ACYP2: variants seen among roughly 807,000 people sequenced by gnomAD.
ACYP2 encodes acylphosphatase 2.
A neutral mutation model predicts 11.2 loss-of-function variants in ACYP2; 12 were observed. The observed-to-expected ratio is 1.08, with a 90% CI of 0.69 to 1.74. ACYP2 has a LOEUF of 1.74. Among genes scored for constraint, ACYP2 ranks in the 40% most tolerant of loss-of-function variants. The pLI, the probability that ACYP2 is intolerant of heterozygous loss-of-function variation, is 0.00. For missense variants in ACYP2, 134 were observed against 101.9 expected, an observed-to-expected ratio of 1.31 and a Z score of -1.35; for synonymous variants, 43 against 32.2, an observed-to-expected ratio of 1.33 and a Z score of -1.13.
Position 54,073,697 on chromosome 2 carries a change from A to G in ACYP2, c.277+16337A>G, listed in dbSNP as rs192840098. Among the ~76,000 whole-genome samples the G allele has an allele frequency of 2.5e-4, 38 of 152,306 alleles. No homozygotes were observed. The East Asian group carries it at 7.3e-3, about 29-fold the overall frequency. On this transcript the variant is annotated intron_variant, in intron 4 of 6. Coordinates refer to ENST00000607452, the MANE Select transcript of ACYP2 (RefSeq NM_001320586.2). Reference sequence around the variant, plus strand: ...CTATTACAACTCAAAAATAAAGACAATGATTAAAAAATGGGCAAAAGGTCT... The same window carrying G: ...CTATTACAACTCAAAAATAAAGACAGTGATTAAAAAATGGGCAAAAGGTCT...
At chr2:53,975,395 AG>A in intron 2 of ACYP2, 1 of 396,698 alleles carries the variant, frequency 2.5e-6, no homozygotes, top group Non-Finnish European at 4.4e-6. Context: ...CTTCCCAGTG[AG>A]AAAGTTAGAA....
intron 6 of ACYP2, among the ~76,000 whole-genome samples, chr2:54,175,754 G>T (rs1683431165): frequency 1.3e-5 from 2 of 152,094 alleles, no homozygotes; most frequent in Admixed American, 1.3e-4. Flanking sequence ...GCATGCATCT[G>T]TCCCCTTTTT....
chr2:54,144,937 T>G (rs1379165810), intron 6 of ACYP2, among the ~76,000 whole-genome samples: 1 of 152,162 alleles, frequency 6.6e-6, no homozygotes, highest in Non-Finnish European at 1.5e-5. Context: ...GTCTTCAACA[T>G]GAGTCCTAGT....
intron 4 of ACYP2, among the ~76,000 whole-genome samples, chr2:54,123,638 C>G (rs888784335): frequency 6.6e-6 from 1 of 152,112 alleles, no homozygotes; most frequent in African/African-American, 2.4e-5. Context: ...CCACTTCTTC[C>G]TCCATCCCCT....
intron 6 of ACYP2, among the ~76,000 whole-genome samples, chr2:54,303,404 CATT>C (rs111460260): frequency 0.16 from 24,500 of 152,032 alleles, 2,402 homozygotes; most frequent in Non-Finnish European, 0.21. Context: ...TTTTAGCTTT[CATT>C]ATTATTTGTG....
At chr2:54,032,240 T>C (rs1235775305) in intron 2 of ACYP2, among the ~76,000 whole-genome samples, 1 of 152,238 alleles carries the variant, frequency 6.6e-6, no homozygotes, top group Non-Finnish European at 1.5e-5. Context: ...GGTTTTCTTC[T>C]AGGGTTTTAT....
At chr2:54,127,704 C>A (rs1680621111) in intron 4 of ACYP2, among the ~76,000 whole-genome samples, 1 of 147,394 alleles carries the variant, frequency 6.8e-6, no homozygotes, top group African/African-American at 2.5e-5. Flanking sequence ...GCCGAGATCA[C>A]ACCATGCCAC....
At chr2:54,039,258 A>T (rs1295239198) in intron 2 of ACYP2, among the ~76,000 whole-genome samples, 123 of 133,324 alleles carry the variant, frequency 9.2e-4, no homozygotes, top group Middle Eastern at 3.6e-3. Flanking sequence ...TCGTGCTTTA[A>T]TTTTTTTTTT....
At chr2:54,041,754 C>T (rs187416408) in intron 2 of ACYP2, among the ~76,000 whole-genome samples, 170 of 152,174 alleles carry the variant, frequency 1.1e-3, no homozygotes, top group African/African-American at 3.9e-3. Context: ...ATCAAATGAA[C>T]GCATACATGA....
intron 6 of ACYP2, among the ~76,000 whole-genome samples, chr2:54,157,097 A>T (rs140097911): frequency 6.6e-6 from 1 of 152,232 alleles, no homozygotes; most frequent in East Asian, 1.9e-4. Flanking sequence ...CAAGATTTAC[A>T]TGGTTGTCCT....
chr2:54,119,280 C>T (rs538299633), intron 4 of ACYP2, among the ~76,000 whole-genome samples: 4 of 151,922 alleles, frequency 2.6e-5, no homozygotes, highest in African/African-American at 9.7e-5. Context: ...TGGTTTTGAA[C>T]TCCTGGCCTC....
intron 4 of ACYP2, among the ~76,000 whole-genome samples, chr2:54,059,876 G>C (rs1262938596): frequency 6.6e-6 from 1 of 152,182 alleles, no homozygotes; most frequent in African/African-American, 2.4e-5. Flanking sequence ...ACTGGGAAAG[G>C]ATTGCTTCAT....
Position 54,107,105 on chromosome 2 carries a change from C to T in ACYP2, c.278-28348C>T, listed in dbSNP as rs544195420. ...AAGACTGAAAGAGTAACCCTACCCA[C>T]GGGAACTGCCTTGCCTTGGGTAGAT... On this transcript the variant is annotated intron_variant, in intron 4 of 6. Coordinates refer to ENST00000607452, the MANE Select transcript of ACYP2 (RefSeq NM_001320586.2). 7.2e-5 allele frequency among the ~76,000 whole-genome samples: 11 copies of T among 152,238 alleles called. No individual in the cohort carries two copies. The East Asian group carries it at 1.2e-3, about 16-fold the overall frequency.
At chr2:54,256,816 G>GTTTGT (rs577024551) in intron 6 of ACYP2, among the ~76,000 whole-genome samples, 38,099 of 151,138 alleles carry the variant, frequency 0.25, 4,999 homozygotes, top group South Asian at 0.4. Flanking sequence ...TTTTTTGTTT[G>GTTTGT]TTTGTTTTGT....
chr2:54,179,513 C>A (rs546323296), intron 6 of ACYP2, among the ~76,000 whole-genome samples: 1 of 152,244 alleles, frequency 6.6e-6, no homozygotes, highest in Admixed American at 6.5e-5. Flanking sequence ...AGAGCAGCCC[C>A]AAGGGCTGCT....
At chr2:54,131,500 G>A (rs927389311) in intron 4 of ACYP2, among the ~76,000 whole-genome samples, 1 of 152,192 alleles carries the variant, frequency 6.6e-6, no homozygotes, top group Non-Finnish European at 1.5e-5. Context: ...AGAAATCTAC[G>A]TGACAGGCTG....
At chr2:54,177,905 A>AT (rs1278343210) in intron 6 of ACYP2, among the ~76,000 whole-genome samples, 3,680 of 33,174 alleles carry the variant, frequency 0.11, 78 homozygotes, top group Non-Finnish European at 0.14. Context: ...TTCTTTCTTT[A>AT]TTTTTTTTTT....
chr2:54,220,338 G>A (rs1453627514), intron 6 of ACYP2, among the ~76,000 whole-genome samples: 1 of 151,992 alleles, frequency 6.6e-6, no homozygotes, highest in African/African-American at 2.4e-5. Context: ...GTGTGCTTTT[G>A]ACTAAATGTG....
intron 4 of ACYP2, among the ~76,000 whole-genome samples, chr2:54,116,230 T>A (rs966304878): frequency 1.3e-5 from 2 of 152,092 alleles, no homozygotes; most frequent in East Asian, 3.9e-4. Context: ...AAGAATGAAA[T>A]TGTTATCTAA....
Sources: gnomAD v4.1 joint callset for allele counts (sites outside exome capture counted in the v4.1 genomes callset) on GRCh38, gnomAD v4.1.1 for gene constraint, MANE v1.5 for transcripts, NCBI Gene and HGNC (gene_info 2026-07-23, HGNC 2026-07-21) for gene names.